The following PTPRT variants were observed in gnomAD, a reference collection of about 807,000 sequenced individuals.
PTPRT encodes protein tyrosine phosphatase receptor type T.
PTPRT carries 56 observed loss-of-function variants against 176.8 expected under a neutral mutation model. The ratio of observed to expected loss-of-function variants is 0.32; its 90% CI spans 0.26 to 0.40. The LOEUF is 0.40. PTPRT is among the 10% of genes least tolerant of loss of function. The probability of loss-of-function intolerance (pLI) is 1.00; values close to 1 mark genes in which losing one functional copy is unlikely to be tolerated. For synonymous variants in PTPRT, 783 were observed against 739.0 expected, an observed-to-expected ratio of 1.06 and a Z score of -0.96; for missense variants, 1,540 against 1,908.2, an observed-to-expected ratio of 0.81 and a Z score of 3.60.
intron 16 of PTPRT, among the ~76,000 whole-genome samples, chr20:42,190,065 G>A (rs1423600049): frequency 6.6e-6 from 1 of 152,154 alleles, no homozygotes; most frequent in Non-Finnish European, 1.5e-5. Flanking sequence ...CTAAGTGGAT[G>A]ATTGCAAAAT....
intron 21 of PTPRT, chr20:42,116,032 T>C: frequency 1.4e-6 from 1 of 721,668 alleles, no homozygotes. Flanking sequence ...AACAAAAGCA[T>C]GATTACCATT....
rs141146218 is a variant in PTPRT at position 43,108,870 on chromosome 20, G to A, written c.88+80776C>T. Among the ~76,000 whole-genome samples, 50 of 152,118 alleles carry A rather than the reference G, an allele frequency of 3.3e-4. 1 individual carries two copies. In the East Asian group the frequency reaches 8.9e-3, roughly 27 times the overall value. Reference sequence around the variant, plus strand: ...AGGTCTGAAATTTAAAAAAGGCTTCGAAAAGATGCAAATAACCTTATCCTC... The same window carrying A: ...AGGTCTGAAATTTAAAAAAGGCTTCAAAAAGATGCAAATAACCTTATCCTC... On this transcript the variant is annotated intron_variant, in intron 1 of 30. Transcript: ENST00000373187.
At chr20:42,988,613 T>A (rs1397381547) in intron 1 of PTPRT, among the ~76,000 whole-genome samples, 1 of 152,088 alleles carries the variant, frequency 6.6e-6, no homozygotes, top group Non-Finnish European at 1.5e-5. Context: ...GGAAACACAC[T>A]CACACAGGAC....
chr20:42,213,918 A>G (rs1182164626), intron 15 of PTPRT, among the ~76,000 whole-genome samples: 1 of 152,248 alleles, frequency 6.6e-6, no homozygotes, highest in Non-Finnish European at 1.5e-5. Context: ...TGAGGAAACT[A>G]ATAAAATGAC....
intron 9 of PTPRT, among the ~76,000 whole-genome samples, chr20:42,398,544 T>C (rs2058873655): frequency 6.6e-6 from 1 of 152,154 alleles, no homozygotes; most frequent in South Asian, 2.1e-4. Flanking sequence ...TCATGAAATA[T>C]GCAGGCTACA....
intron 2 of PTPRT, among the ~76,000 whole-genome samples, chr20:42,813,334 C>T (rs981116716): frequency 1.3e-5 from 2 of 151,788 alleles, no homozygotes; most frequent in African/African-American, 4.8e-5. Flanking sequence ...GGTTAGAATC[C>T]TTGCCCTTGT....
intron 3 of PTPRT, among the ~76,000 whole-genome samples, chr20:42,786,225 G>T (rs1047853138): frequency 6.6e-6 from 1 of 152,146 alleles, no homozygotes; most frequent in African/African-American, 2.4e-5. Flanking sequence ...GTCTTGGGAA[G>T]TTCTTTATAG....
At chr20:42,427,597 G>A (rs1412804253) in intron 9 of PTPRT, among the ~76,000 whole-genome samples, 1 of 152,002 alleles carries the variant, frequency 6.6e-6, no homozygotes, top group Non-Finnish European at 1.5e-5. Context: ...ATTAATAAGG[G>A]CAGACTCCTC....
intron 1 of PTPRT, among the ~76,000 whole-genome samples, chr20:43,188,751 G>GGA (rs1555845638): frequency 7.0e-6 from 1 of 142,184 alleles, no homozygotes; most frequent in African/African-American, 2.8e-5. Context: ...GCTACTCTTG[G>GGA]GGGGGGGGGG....
rs918881921 is a variant in PTPRT at position 42,079,467 on chromosome 20, A to G, written c.*1412T>C. On this transcript the variant is annotated 3_prime_UTR_variant, in exon 31 of 31. Transcript: ENST00000373187. ...GTTTCCTCATTGGAGGAGATGATCAAATGGAGATGATAACAAGTCAGTAGC... is the reference window on the plus strand; with the variant it reads ...GTTTCCTCATTGGAGGAGATGATCAGATGGAGATGATAACAAGTCAGTAGC... 1.4e-5 allele frequency: 3 copies of G among 221,064 alleles called. No homozygotes were observed. Among genetic ancestry groups the G allele is most frequent in the African/African-American group, 6.7e-5 (3 of 44,614 alleles). 13.7% of individuals were successfully genotyped at this position (221,064 alleles called of 1,614,324 possible). A position where few individuals can be genotyped will look rare whatever the true frequency, so the allele number is the denominator to read the frequency against.
chr20:42,785,609 C>T lies in PTPRT; in HGVS notation c.487-5310G>A, dbSNP rs184770796. Among the ~76,000 whole-genome samples the T allele has an allele frequency of 2.7e-3, 409 of 152,234 alleles. 2 individuals carry two copies. Among genetic ancestry groups the T allele is most frequent in the Middle Eastern group, 0.01 (3 of 294 alleles). On this transcript the variant is annotated intron_variant, in intron 3 of 30. Coordinates refer to ENST00000373187, the MANE Select transcript of PTPRT (RefSeq NM_007050.6). ...TGGCCAAGTGAGTAACCATTAGTGA[C>T]GGTGTGTGTATAACATCTCTCTCCA...
chr20:42,080,932 C>G lies in PTPRT; in HGVS notation c.4273G>C (p.Glu1425Gln). 1 of 1,603,742 alleles carries G rather than the reference C, an allele frequency of 6.2e-7. No homozygotes were observed. The highest frequency in any genetic ancestry group is 8.5e-7 in the Non-Finnish European group (1 of 1,171,302). Residue 1425 changes from glutamate to glutamine, a missense_variant and splice_region_variant, in exon 31 of 31, where the codon GAA becomes CAA. Coordinates refer to ENST00000373187, the MANE Select transcript of PTPRT (RefSeq NM_007050.6). ...ACCTCGTATACAAATTTATACTGTTCCTGAGAGGCGGAGAGGAGCAGAGGC... is the reference window on the plus strand; with the variant it reads ...ACCTCGTATACAAATTTATACTGTTGCTGAGAGGCGGAGAGGAGCAGAGGC... ...NNKSNMVETL[E>Q]QYKFVYEVAL...
intron 8 of PTPRT, among the ~76,000 whole-genome samples, chr20:42,456,474 T>C (rs2070927293): frequency 6.6e-6 from 1 of 152,058 alleles, no homozygotes; most frequent in Non-Finnish European, 1.5e-5. Flanking sequence ...CATCTTTGAG[T>C]ATGATGTTTG....
chr20:43,139,977 T>C (rs900866943), intron 1 of PTPRT, among the ~76,000 whole-genome samples: 2 of 152,180 alleles, frequency 1.3e-5, no homozygotes, highest in African/African-American at 2.4e-5. Context: ...AATCCAGAAG[T>C]ACAGTGAAAA....
At chr20:42,094,577 C>A (rs1984993953) in intron 27 of PTPRT, among the ~76,000 whole-genome samples, 2 of 152,066 alleles carry the variant, frequency 1.3e-5, no homozygotes, top group Admixed American at 1.3e-4. Context: ...CATGGACCAC[C>A]ATGCCCAGTT....
intron 1 of PTPRT, among the ~76,000 whole-genome samples, chr20:43,181,375 G>T (rs2015254493): frequency 6.6e-6 from 1 of 152,138 alleles, no homozygotes; most frequent in Admixed American, 6.5e-5. Flanking sequence ...ACAGGAGTTG[G>T]GCCTACTTTT....
At chr20:42,548,254 A>G (rs556052355) in intron 7 of PTPRT, among the ~76,000 whole-genome samples, 2 of 152,278 alleles carry the variant, frequency 1.3e-5, no homozygotes, top group African/African-American at 4.8e-5. Flanking sequence ...ATAACAATCC[A>G]TGACTAGCTA....
chr20:43,085,420 C>T (rs2011576786), intron 1 of PTPRT, among the ~76,000 whole-genome samples: 1 of 152,200 alleles, frequency 6.6e-6, no homozygotes, highest in African/African-American at 2.4e-5. Flanking sequence ...TGCCGAAGCA[C>T]ATTCATCCAA....
At chr20:42,839,806 T>C (rs1156942862) in intron 2 of PTPRT, among the ~76,000 whole-genome samples, 3 of 152,184 alleles carry the variant, frequency 2.0e-5, no homozygotes, top group Non-Finnish European at 2.9e-5. Flanking sequence ...GTTTGCAAAT[T>C]TGTTTTTAAA....
Sources: allele counts gnomAD v4.1 joint callset (sites outside exome capture counted in the v4.1 genomes callset), GRCh38; gene constraint gnomAD v4.1.1; transcripts MANE v1.5; gene names NCBI Gene and HGNC (gene_info 2026-07-23, HGNC 2026-07-21).